The following ZNG1A variants were observed in gnomAD, a reference collection of about 807,000 sequenced individuals.
ZNG1A encodes the protein Zn regulated GTPase metalloprotein activator 1A.
the ZNG1A span, among the ~76,000 whole-genome samples, chr9:155,420 C>G: frequency 6.6e-6 from 1 of 151,802 alleles, no homozygotes; most frequent in South Asian, 2.1e-4. Context: ...GACTCCATTT[C>G]TTAAAAAAAA....
the ZNG1A span, among the ~76,000 whole-genome samples, chr9:161,154 G>C: frequency 1.4e-5 from 2 of 148,024 alleles, no homozygotes; most frequent in Non-Finnish European, 3.0e-5. Context: ...AAGATTTGGG[G>C]AAAAAAAGCA....
chr9:140,544 A>T, the ZNG1A span, among the ~76,000 whole-genome samples: 1 of 150,532 alleles, frequency 6.6e-6, no homozygotes, highest in East Asian at 1.9e-4. Flanking sequence ...AAAAGTAGAT[A>T]AAAACCACAA....
At chr9:151,308 A>G in the ZNG1A span, 1 of 983,230 alleles carries the variant, frequency 1.0e-6, no homozygotes, top group Non-Finnish European at 1.2e-6. Context: ...CACTCACCTA[A>G]GGCCTCTGCT....
chr9:155,118 G>A, the ZNG1A span, among the ~76,000 whole-genome samples: 1 of 150,938 alleles, frequency 6.6e-6, no homozygotes, highest in Non-Finnish European at 1.5e-5. Flanking sequence ...ACAATCAAAA[G>A]GATGATTTTA....
At chr9:139,943 C>T in the ZNG1A span, among the ~76,000 whole-genome samples, 9 of 150,688 alleles carry the variant, frequency 6.0e-5, no homozygotes, top group South Asian at 4.2e-4. Context: ...CCCAATACTG[C>T]GCTTTTCCGA....
the ZNG1A span, chr9:177,667 TATTA>T: frequency 1.7e-6 from 2 of 1,206,854 alleles, no homozygotes; most frequent in East Asian, 5.1e-5. Flanking sequence ...AGGTTGCTGG[TATTA>T]ATTCTCACTC....
chr9:143,492 C>A, the ZNG1A span, among the ~76,000 whole-genome samples: 2 of 111,930 alleles, frequency 1.8e-5, no homozygotes, highest in African/African-American at 4.1e-5. Flanking sequence ...CAAAATTCAA[C>A]AACCCTTCAT....
the ZNG1A span, among the ~76,000 whole-genome samples, chr9:127,859 A>G: frequency 6.6e-6 from 1 of 152,236 alleles, no homozygotes; most frequent in Non-Finnish European, 1.5e-5. Flanking sequence ...CAAGATTTAG[A>G]GTTCCTTTTA....
chr9:171,280 A>T, the ZNG1A span, among the ~76,000 whole-genome samples: 2 of 152,022 alleles, frequency 1.3e-5, no homozygotes, highest in Non-Finnish European at 1.5e-5. Flanking sequence ...TGAGTAAATT[A>T]CCCCCAAATA....
chr9:159,978 C>T, the ZNG1A span: 1 of 407,464 alleles, frequency 2.5e-6, no homozygotes, highest in Non-Finnish European at 4.8e-6. Flanking sequence ...ACAGACGAAC[C>T]AAGAAGAAAC....
the ZNG1A span, chr9:135,172 C>G: frequency 2.5e-3 from 3,777 of 1,495,778 alleles, 194 homozygotes; most frequent in African/African-American, 0.047. Context: ...ACAAGTTGTT[C>G]GCAAATTCCA....
the ZNG1A span, chr9:153,824 A>G: frequency 6.6e-6 from 1 of 150,966 alleles, no homozygotes; most frequent in African/African-American, 2.4e-5. Context: ...TCAAAATCTA[A>G]TGTCAGTAGA....
chr9:150,114 C>CG, the ZNG1A span: 2 of 134,948 alleles, frequency 1.5e-5, no homozygotes, highest in African/African-American at 2.8e-5. Context: ...ACCAAATCTC[C>CG]GGTTTTGTTT....
At chr9:146,183 G>C in the ZNG1A span, 2 of 1,581,640 alleles carry the variant, frequency 1.3e-6, no homozygotes, top group Non-Finnish European at 1.7e-6. Flanking sequence ...ACTAACGTGA[G>C]CAGTTGGAAA....
chr9:163,787 C>T, the ZNG1A span, among the ~76,000 whole-genome samples: 2 of 151,606 alleles, frequency 1.3e-5, no homozygotes, highest in African/African-American at 4.9e-5. Context: ...TACGATGGTG[C>T]ACGCCTGTAG....
the ZNG1A span, chr9:178,891 T>C: frequency 8.7e-7 from 1 of 1,152,428 alleles, no homozygotes. Context: ...CTTTGCGTCG[T>C]CTCAATGGGA....
At chr9:176,313 G>C in the ZNG1A span, among the ~76,000 whole-genome samples, 2 of 140,998 alleles carry the variant, frequency 1.4e-5, no homozygotes, top group African/African-American at 5.4e-5. Flanking sequence ...CTTGTGAACC[G>C]TACACACTAA....
the ZNG1A span, chr9:145,956 A>G: frequency 3.5e-6 from 2 of 575,822 alleles, no homozygotes; most frequent in South Asian, 5.0e-5. Context: ...AAAACTTCCA[A>G]GAATATACCT....
At chr9:175,108 G>C in the ZNG1A span, among the ~76,000 whole-genome samples, 1 of 152,164 alleles carries the variant, frequency 6.6e-6, no homozygotes, top group Non-Finnish European at 1.5e-5. Context: ...GCCAGGCATG[G>C]TGCCTCATGC....
Sources: gnomAD v4.1 joint callset for allele counts (sites outside exome capture counted in the v4.1 genomes callset) on GRCh38, gnomAD v4.1.1 for gene constraint, MANE v1.5 for transcripts, NCBI Gene and HGNC (gene_info 2026-07-23, HGNC 2026-07-21) for gene names.